The following RBM26 variants were observed in gnomAD, a reference collection of about 807,000 sequenced individuals.
The protein encoded by RBM26 is RNA-binding protein 26.
RBM26 carries 30 observed loss-of-function variants against 123.6 expected under a neutral mutation model. The ratio of observed to expected loss-of-function variants is 0.24; its 90% CI spans 0.18 to 0.33. RBM26 has a LOEUF of 0.33. Ranked by LOEUF, RBM26 falls within the 10% of genes least tolerant of loss-of-function variation. RBM26 has a pLI of 1.00. For synonymous variants in RBM26, 400 were observed against 404.4 expected, an observed-to-expected ratio of 0.99 and a Z score of 0.13; for missense variants, 947 against 1,203.6, an observed-to-expected ratio of 0.79 and a Z score of 3.15.
chr13:79,369,295 C>T (rs1170215050), intron 5 of RBM26, among the ~76,000 whole-genome samples: 1 of 152,066 alleles, frequency 6.6e-6, no homozygotes, highest in Non-Finnish European at 1.5e-5. Context: ...TGCATAATTA[C>T]AGACCACAAA....
chr13:79,367,342 G>C (rs947460032), intron 6 of RBM26, among the ~76,000 whole-genome samples: 1 of 148,606 alleles, frequency 6.7e-6, no homozygotes, highest in Non-Finnish European at 1.5e-5. Context: ...GGGAGGCAGT[G>C]GTTGCACTGA....
chr13:79,365,994 T>C, intron 8 of RBM26, 61 bp downstream of exon 8: 1 of 1,504,558 alleles, frequency 6.6e-7, no homozygotes, highest in African/African-American at 1.4e-5. Flanking sequence ...CTCTAGACAT[T>C]TTAAAATTCT....
chr13:79,380,467 G>A (rs1464660257), intron 1 of RBM26, among the ~76,000 whole-genome samples: 1 of 150,494 alleles, frequency 6.6e-6, no homozygotes, highest in Non-Finnish European at 1.5e-5. Context: ...ACTAAGTAAA[G>A]GAGGGACAGG....
chr13:79,347,113 G>A (rs1362913611), intron 14 of RBM26, among the ~76,000 whole-genome samples: 3 of 152,188 alleles, frequency 2.0e-5, no homozygotes, highest in Admixed American at 6.5e-5. Flanking sequence ...AGACTAAGGA[G>A]TGCTGGTTCA....
rs1468494385 is a variant in RBM26, at chr13:79,322,396, T to C, written c.2887A>G (p.Asn963Asp). ...TCTTCTGTTTCAACAGCTGAAATATTAGTTACTGGTTTATTCCATGCCAGT... is the reference window on the plus strand; with the variant it reads ...TCTTCTGTTTCAACAGCTGAAATATCAGTTACTGGTTTATTCCATGCCAGT... ...LKLAWNKPVT[N>D]ISAVETEEVE... Residue 963 changes from asparagine (N) to aspartate (D), a missense_variant, in exon 21 of 22, where the codon AAT becomes GAT. Physicochemically the swap from Asn to Asp is conservative, Grantham distance 23. Transcript: ENST00000438737. 6.3e-7 allele frequency: 1 copy of C among 1,581,836 alleles called. No homozygotes were observed. The highest frequency in any genetic ancestry group is 8.6e-7 in the Non-Finnish European group (1 of 1,167,104).
chr13:79,320,139 A>G lies in RBM26; in HGVS notation c.*482T>C, dbSNP rs575322857. The G allele has an allele frequency of 3.7e-5, 36 of 961,796 alleles. No individual in the cohort carries two copies. The highest frequency in any genetic ancestry group is 3.7e-4 in the Admixed American group (6 of 16,110). 59.6% of individuals were successfully genotyped at this position (961,796 alleles called of 1,614,324 possible). A position where few individuals can be genotyped will look rare whatever the true frequency, so the allele number is the denominator to read the frequency against. ...CCAACAAAAGGCTAATACATAGTAAAGCCTAAGCATACTACTATGTAATAT... is the reference window on the plus strand; with the variant it reads ...CCAACAAAAGGCTAATACATAGTAAGGCCTAAGCATACTACTATGTAATAT... On this transcript the variant is annotated 3_prime_UTR_variant, in exon 22 of 22. Transcript: ENST00000438737.
intron 20 of RBM26, among the ~76,000 whole-genome samples, chr13:79,323,850 T>C (rs1268824068): frequency 6.6e-6 from 1 of 151,768 alleles, no homozygotes; most frequent in Non-Finnish European, 1.5e-5. Flanking sequence ...AATTAGGCTG[T>C]GTAAATTTTT....
Position 79,319,137 on chromosome 13 carries a change from G to C in RBM26, c.*1484C>G. ...TACACACAACTTCAACCCCAATTAG[G>C]GGTGTATGGGGAAGAAGAAAAAGAA... On this transcript the variant is annotated 3_prime_UTR_variant, in exon 22 of 22. Transcript: ENST00000438737. The C allele has an allele frequency of 2.0e-6, 2 of 984,564 alleles. No individual in the cohort carries two copies. Among genetic ancestry groups the C allele is most frequent in the Non-Finnish European group, 2.4e-6 (2 of 829,394 alleles). 61.0% of individuals were successfully genotyped at this position (984,564 alleles called of 1,614,324 possible).
chr13:79,320,393 T>C lies in RBM26; in HGVS notation c.*228A>G. ...AAGTATGTAATAAAAACATTGCATA[T>C]GTTTCTAGTGTGATGTCTTTAGCAA... On this transcript the variant is annotated 3_prime_UTR_variant, in exon 22 of 22. Transcript: ENST00000438737. The C allele has an allele frequency of 1.7e-6, 2 of 1,152,224 alleles. No individual in the cohort carries two copies. Among genetic ancestry groups the C allele is most frequent in the Non-Finnish European group, 2.1e-6 (2 of 935,090 alleles). 71.4% of individuals were successfully genotyped at this position (1,152,224 alleles called of 1,614,324 possible).
At chr13:79,372,850 TATATAA>T (rs1231196886) in intron 3 of RBM26, among the ~76,000 whole-genome samples, 1 of 91,862 alleles carries the variant, frequency 1.1e-5, no homozygotes, top group Non-Finnish European at 2.0e-5. Context: ...TATTATATAT[TATATAA>T]ATATAAATAT....
intron 20 of RBM26, among the ~76,000 whole-genome samples, chr13:79,326,297 T>G (rs952359026): frequency 1.3e-5 from 2 of 152,218 alleles, no homozygotes; most frequent in African/African-American, 4.8e-5. Context: ...GAGTTATGCA[T>G]GTACTTTAAA....
At chr13:79,353,673 G>A (rs1235743594) in intron 13 of RBM26, among the ~76,000 whole-genome samples, 1 of 152,116 alleles carries the variant, frequency 6.6e-6, no homozygotes, top group Non-Finnish European at 1.5e-5. Flanking sequence ...TTTACCAATA[G>A]ACATTCTGCA....
intron 3 of RBM26, among the ~76,000 whole-genome samples, chr13:79,375,756 TAG>T (rs1441906537): frequency 1.3e-5 from 2 of 151,904 alleles, no homozygotes; most frequent in Non-Finnish European, 2.9e-5. Context: ...TATATTCAGA[TAG>T]AGATATAAAT....
intron 20 of RBM26, among the ~76,000 whole-genome samples, chr13:79,332,303 T>A (rs1262206723): frequency 6.6e-6 from 1 of 152,166 alleles, no homozygotes; most frequent in Non-Finnish European, 1.5e-5. Flanking sequence ...AACATGACAA[T>A]CTTTTTGTAT....
At chr13:79,378,649 C>T (rs1025322501) in intron 2 of RBM26, 140 bp downstream of exon 2, 16 of 452,774 alleles carry the variant, frequency 3.5e-5, no homozygotes, top group African/African-American at 2.2e-4. Flanking sequence ...CATGTTTGCC[C>T]GGCTGGTCTT....
At chr13:79,321,691 G>C (rs2067686964) in intron 21 of RBM26, among the ~76,000 whole-genome samples, 1 of 151,212 alleles carries the variant, frequency 6.6e-6, no homozygotes, top group South Asian at 2.1e-4. Flanking sequence ...TCCAGTTCTA[G>C]CTTATGAAGC....
At chr13:79,372,867 A>T (rs1566502430) in intron 3 of RBM26, among the ~76,000 whole-genome samples, 1 of 67,612 alleles carries the variant, frequency 1.5e-5, no homozygotes, top group Non-Finnish European at 2.8e-5. Context: ...ATATAAATAT[A>T]TTTATAATAT....
At chr13:79,364,884 C>T (rs1237097410) in intron 9 of RBM26, among the ~76,000 whole-genome samples, 1 of 151,476 alleles carries the variant, frequency 6.6e-6, no homozygotes, top group Non-Finnish European at 1.5e-5. Flanking sequence ...GAAGAGTCAG[C>T]AAAAATAAAT....
At chr13:79,382,184 TTAAA>T (rs1231730016) in intron 1 of RBM26, among the ~76,000 whole-genome samples, 2 of 152,062 alleles carry the variant, frequency 1.3e-5, no homozygotes, top group South Asian at 2.1e-4. Flanking sequence ...GCAAAGTCAA[TTAAA>T]TAAACATTCA....
Sources: gnomAD v4.1 joint callset for allele counts (sites outside exome capture counted in the v4.1 genomes callset) on GRCh38, gnomAD v4.1.1 for gene constraint, MANE v1.5 for transcripts, NCBI Gene and HGNC (gene_info 2026-07-23, HGNC 2026-07-21) for gene names.